SNX29: variants seen among roughly 807,000 people sequenced by gnomAD.
SNX29 encodes sorting nexin 29.
SNX29 carries 78 observed loss-of-function variants against 102.1 expected under a neutral mutation model. The observed-to-expected ratio is 0.76, with a 90% CI of 0.64 to 0.92. The LOEUF (loss-of-function observed/expected upper bound fraction) is 0.92. Among genes scored for constraint, SNX29 ranks in the 40% least tolerant of loss-of-function variants. The probability of loss-of-function intolerance (pLI) is 0.00; values close to 1 mark genes in which losing one functional copy is unlikely to be tolerated. For synonymous variants in SNX29, 580 were observed against 414.5 expected, an observed-to-expected ratio of 1.40 and a Z score of -4.85; for missense variants, 1,280 against 1,061.7, an observed-to-expected ratio of 1.21 and a Z score of -2.86.
intron 16 of SNX29, among the ~76,000 whole-genome samples, chr16:12,358,323 C>T (rs962637650): frequency 1.3e-5 from 2 of 152,132 alleles, no homozygotes; most frequent in African/African-American, 4.8e-5. Context: ...GTTGGAGGCA[C>T]TTTAGGCCTC....
At chr16:12,449,880 A>T (rs1409587738) in intron 18 of SNX29, among the ~76,000 whole-genome samples, 1 of 152,306 alleles carries the variant, frequency 6.6e-6, no homozygotes, top group South Asian at 2.1e-4. Flanking sequence ...ATGATTTCTG[A>T]TATGATTTGG....
chr16:12,420,746 T>A (rs1387662123), intron 18 of SNX29, among the ~76,000 whole-genome samples: 3 of 152,056 alleles, frequency 2.0e-5, no homozygotes, highest in African/African-American at 7.2e-5. Flanking sequence ...CAAGGTGAGA[T>A]GAGATGAAGA....
intron 13 of SNX29, among the ~76,000 whole-genome samples, chr16:12,159,508 T>G (rs928388452): frequency 6.6e-6 from 1 of 152,178 alleles, no homozygotes; most frequent in Admixed American, 6.5e-5. Context: ...GACTGTAGGT[T>G]CCATGGACCA....
At chr16:12,386,370 C>T (rs988983444) in intron 16 of SNX29, among the ~76,000 whole-genome samples, 1 of 152,230 alleles carries the variant, frequency 6.6e-6, no homozygotes, top group Admixed American at 6.5e-5. Flanking sequence ...TCTGAGGGAG[C>T]TGGAATTACC....
intron 3 of SNX29, among the ~76,000 whole-genome samples, chr16:12,014,721 A>C (rs906940370): frequency 2.0e-5 from 3 of 148,988 alleles, no homozygotes; most frequent in African/African-American, 7.4e-5. Context: ...AACAAGAATG[A>C]AGCTCCGTCT....
intron 20 of SNX29, among the ~76,000 whole-genome samples, chr16:12,541,280 G>C (rs981114683): frequency 1.3e-5 from 2 of 152,190 alleles, no homozygotes; most frequent in Middle Eastern, 3.2e-3. Flanking sequence ...AGGAGCAGGG[G>C]AATACCACTA....
chr16:12,117,953 C>T lies in SNX29; in HGVS notation c.1403-8680C>T, dbSNP rs577930298. Among the ~76,000 whole-genome samples the T allele has an allele frequency of 3.6e-4, 55 of 151,990 alleles. 1 individual carries two copies. In the South Asian group the frequency reaches 4.8e-3, roughly 13 times the overall value. ...TACTAAAAATACAAAAAAACTTAGC[C>T]GGGTGTGGTGGCATGTGCCTGTAGT... On this transcript the variant is annotated intron_variant, in intron 11 of 20. Transcript: ENST00000566228.
intron 20 of SNX29, among the ~76,000 whole-genome samples, chr16:12,549,680 A>C (rs1044021137): frequency 7.9e-5 from 12 of 152,224 alleles, no homozygotes; most frequent in African/African-American, 2.9e-4. Flanking sequence ...AAGGCCCGGC[A>C]TCTTGATGTC....
intron 14 of SNX29, among the ~76,000 whole-genome samples, chr16:12,264,590 T>A (rs1008225829): frequency 1.3e-5 from 2 of 152,194 alleles, no homozygotes; most frequent in African/African-American, 4.8e-5. Flanking sequence ...GAGACGAGCC[T>A]GGCTAACAAG....
chr16:12,300,882 T>C (rs533509885), intron 15 of SNX29, among the ~76,000 whole-genome samples: 1 of 152,252 alleles, frequency 6.6e-6, no homozygotes, highest in African/African-American at 2.4e-5. Flanking sequence ...CTATCCCAGT[T>C]GTGATCACCA....
chr16:12,498,043 G>T (rs2088919351), intron 19 of SNX29, among the ~76,000 whole-genome samples: 1 of 152,208 alleles, frequency 6.6e-6, no homozygotes, highest in Non-Finnish European at 1.5e-5. Flanking sequence ...GAGACAGCCT[G>T]TGGGGAGAAG....
intron 14 of SNX29, among the ~76,000 whole-genome samples, chr16:12,251,796 G>A (rs536489158): frequency 2.6e-4 from 39 of 151,500 alleles, no homozygotes; most frequent in African/African-American, 8.5e-4. Context: ...GTCTTGCTCT[G>A]TCACCCAGGC....
chr16:12,356,996 T>C (rs1382730649), intron 16 of SNX29, among the ~76,000 whole-genome samples: 3 of 152,276 alleles, frequency 2.0e-5, no homozygotes, highest in East Asian at 1.9e-4. Context: ...CTCTGTTGAA[T>C]GAAATAGCAC....
chr16:12,487,740 C>G (rs1410073553), intron 19 of SNX29, among the ~76,000 whole-genome samples: 1 of 152,204 alleles, frequency 6.6e-6, no homozygotes, highest in South Asian at 2.1e-4. Context: ...ACACCATCCC[C>G]CGCAACTGCT....
chr16:12,355,738 T>A (rs184838705), intron 15 of SNX29, among the ~76,000 whole-genome samples: 1 of 150,266 alleles, frequency 6.7e-6, no homozygotes, highest in Non-Finnish European at 1.5e-5. Context: ...CTGGCCCAAA[T>A]GGGTTGCATG....
At chr16:12,552,709 G>A (rs1390217326) in intron 20 of SNX29, among the ~76,000 whole-genome samples, 1 of 152,138 alleles carries the variant, frequency 6.6e-6, no homozygotes, top group African/African-American at 2.4e-5. Flanking sequence ...TTTAGATTGG[G>A]GGACTGATAG....
chr16:12,490,012 G>A (rs140833500), intron 19 of SNX29, among the ~76,000 whole-genome samples: 16 of 152,168 alleles, frequency 1.1e-4, no homozygotes, highest in Admixed American at 7.8e-4. Context: ...CTCCATGTTG[G>A]CCAGGCTGGT....
At chr16:12,235,391 T>C (rs959007589) in intron 14 of SNX29, among the ~76,000 whole-genome samples, 1 of 152,142 alleles carries the variant, frequency 6.6e-6, no homozygotes, top group African/African-American at 2.4e-5. Context: ...TAATTTGAAA[T>C]TTGGTTAGGA....
chr16:12,185,251 G>C (rs1184896759), intron 13 of SNX29, among the ~76,000 whole-genome samples: 1 of 152,124 alleles, frequency 6.6e-6, no homozygotes, highest in East Asian at 1.9e-4. Flanking sequence ...CTAGGGAGTG[G>C]GGAGGGATCT....
Sources: allele counts gnomAD v4.1 joint callset (sites outside exome capture counted in the v4.1 genomes callset), GRCh38; gene constraint gnomAD v4.1.1; transcripts MANE v1.5; gene names NCBI Gene and HGNC (gene_info 2026-07-23, HGNC 2026-07-21).